Variants in PSG9 observed in about 807,000 individuals in gnomAD.
PSG9 encodes the protein pregnancy-specific beta-1-glycoprotein 9.
In PSG9, 49 loss-of-function variants were observed where a neutral mutation model predicts 41.9. That is an observed-to-expected ratio of 1.17 (90% confidence interval 0.93 to 1.48). The LOEUF (loss-of-function observed/expected upper bound fraction) is 1.48, where lower values mean the gene tolerates loss of function less well. Among genes scored for constraint, PSG9 ranks in the 40% most tolerant of loss-of-function variants. PSG9 has a pLI of 0.00. For missense variants in PSG9, 641 were observed against 520.3 expected (o/e 1.23, Z -2.26); for synonymous variants, 263 against 196.8 (o/e 1.34, Z -2.82).
Position 43,253,711 on chromosome 19 carries a change from C to T in PSG9, c.1244-65G>A, listed in dbSNP as rs575603160. On this transcript the variant is annotated intron_variant, in intron 5 of 5. Coordinates refer to ENST00000270077, the MANE Select transcript of PSG9 (RefSeq NM_002784.5). Reference sequence around the variant, plus strand: ...ACTACCTCCTTTACACAGAAAGCTTCTTTCCTACAGGCTCCCAGGAAGGGT... The same window carrying T: ...ACTACCTCCTTTACACAGAAAGCTTTTTTCCTACAGGCTCCCAGGAAGGGT... 7.0e-6 allele frequency: 7 copies of T among 1,004,010 alleles called. 1 individual carries two copies. In the African/African-American group the frequency reaches 1.2e-4, roughly 18 times the overall value. 62.2% of individuals were successfully genotyped at this position (1,004,010 alleles called of 1,614,324 possible).
In PSG9 at chr19:43,258,351, A is replaced by G. The variant is rs139174279; in HGVS notation, c.1094T>C (p.Phe365Ser). Reference sequence around the variant, plus strand: ...CTGAAACTTCCCATTAATTGTCCAAAAATACTCTGCCGGTGGGTTAGATTC... The same window carrying G: ...CTGAAACTTCCCATTAATTGTCCAAGAATACTCTGCCGGTGGGTTAGATTC... Reference protein sequence around the residue: ...FTESNPPAEYFWTINGKFQQS... With the variant: ...FTESNPPAEYSWTINGKFQQS... Residue 365 changes from phenylalanine (F) to serine (S), a missense_variant, in exon 5 of 6, where the codon TTT (phenylalanine) becomes TCT (serine). Phe to Ser is a radical substitution (Grantham distance 155). Transcript: ENST00000270077. The G allele has an allele frequency of 3.3e-5, 52 of 1,592,864 alleles. 2 individuals carry two copies. Among genetic ancestry groups the G allele is most frequent in the Non-Finnish European group, 4.2e-5 (49 of 1,174,584 alleles).
Position 43,260,514 on chromosome 19 carries a change from T to A in PSG9, c.709+1346A>T, listed in dbSNP as rs10403887. The A allele has an allele frequency of 3.2e-4, 45 of 140,192 alleles. 2 individuals are homozygous for A. Among genetic ancestry groups the A allele is most frequent in the African/African-American group, 9.7e-4 (35 of 36,188 alleles). The allele number at this position is 140,192 out of a possible 1,614,324, so 8.7% of individuals were successfully genotyped here. A position where few individuals can be genotyped will look rare whatever the true frequency, so the allele number is the denominator to read the frequency against. ...TTGCCCTTTTTTTTTCTCTCACCAC[T>A]TTTCTAGCTTGATGATTAGTTTTTG... is the stretch of plus-strand genomic sequence containing the variant. On this transcript the variant is annotated intron_variant, in intron 3 of 5. Coordinates refer to ENST00000270077, the MANE Select transcript of PSG9 (RefSeq NM_002784.5).
chr19:43,253,490 T>C lies in PSG9; in HGVS notation c.*119A>G, dbSNP rs1968340875. The C allele has an allele frequency of 2.3e-6, 1 of 439,712 alleles. No individual in the cohort carries two copies. The highest frequency in any genetic ancestry group is 2.2e-5 in the African/African-American group (1 of 45,818). The allele number at this position is 439,712 out of a possible 1,614,324, so 27.2% of individuals were successfully genotyped here. A position where few individuals can be genotyped will look rare whatever the true frequency, so the allele number is the denominator to read the frequency against. On this transcript the variant is annotated 3_prime_UTR_variant, in exon 6 of 6. Transcript: ENST00000270077. ...AATCAGCACATTTTCCAATAAAAAA[T>C]TATGAAAACATTATCCTTTTGATTA...
chr19:43,268,138 T>G lies in PSG9; in HGVS notation c.76A>C (p.Asn26His). 6.2e-7 allele frequency: 1 copy of G among 1,604,744 alleles called. No homozygotes were observed. Among genetic ancestry groups the G allele is most frequent in the East Asian group, 2.2e-5 (1 of 44,802 alleles). The change falls in exon 2 of 6, where the codon AAC (asparagine) becomes CAC (histidine). Residue 26 changes from asparagine to histidine, a missense_variant. Coordinates refer to ENST00000270077, the MANE Select transcript of PSG9 (RefSeq NM_002784.5). ...KGLLLTASLL[N>H]FWNPPTTAEV... is the part of the protein sequence containing the mutation. ...GCAGTGGTGGGCGGGTTCCAGAAGT[T>G]TAAAAGTGATGCTAGGAGGGGGAGA...
At chr19:43,263,834 G>T (rs1968841627) in intron 2 of PSG9, among the ~76,000 whole-genome samples, 1 of 152,072 alleles carries the variant, frequency 6.6e-6, no homozygotes, top group Admixed American at 6.6e-5. Flanking sequence ...GAACTGGTCA[G>T]TGCATCAATT....
chr19:43,266,513 T>C (rs1291549367), intron 2 of PSG9, among the ~76,000 whole-genome samples: 1 of 152,054 alleles, frequency 6.6e-6, no homozygotes, highest in African/African-American at 2.4e-5. Context: ...GATCCTCTCA[T>C]GACAGTGACA....
intron 1 of PSG9, 30 bp from the exon 2 acceptor site, chr19:43,268,179 T>C (rs1969072242): frequency 1.9e-6 from 3 of 1,569,146 alleles, no homozygotes; most frequent in Non-Finnish European, 2.6e-6. Context: ...TCAGTTAATA[T>C]TGAGACCTAT....
chr19:43,269,378 G>C lies in PSG9; in HGVS notation c.54C>G (p.Leu18=). 6.2e-7 allele frequency: 1 copy of C among 1,613,572 alleles called. No individual in the cohort carries two copies. Among genetic ancestry groups the C allele is most frequent in the Non-Finnish European group, 8.5e-7 (1 of 1,179,668 alleles). ...SCTQRITWKG[L]LLTASLLNFW... ...AAGTTCTCTCCTCACCTGTGAGCAG[G>C]AGCCCCTTCCAGGTGATGCGCTGTG... Residue 18 remains leucine, a synonymous_variant, in exon 1 of 6, where the codon CTC becomes CTG. Coordinates refer to ENST00000270077, the MANE Select transcript of PSG9 (RefSeq NM_002784.5).
intron 1 of PSG9, among the ~76,000 whole-genome samples, chr19:43,268,500 A>G (rs545942823): frequency 2.0e-5 from 3 of 151,902 alleles, no homozygotes; most frequent in Admixed American, 2.0e-4. Flanking sequence ...CTTTCCTGAC[A>G]CCTCCTTCAG....
In PSG9 at chr19:43,267,823, T is replaced by G. The variant is rs1969045000; in HGVS notation, c.391A>C (p.Thr131Pro). 9 of 1,613,314 alleles carry G rather than the reference T, an allele frequency of 5.6e-6. No homozygotes were observed. The highest frequency in any genetic ancestry group is 5.1e-6 in the Non-Finnish European group (6 of 1,179,592). ...TLHIIKRGDETREEIRHFTFT... is the reference protein window; with the variant it reads ...TLHIIKRGDEPREEIRHFTFT... ...GTGAAATGTCGAATTTCTTCTCTAG[T>G]CTCATCACCTCGCTTTATGATGTGT... The change falls in exon 2 of 6, where the codon ACT becomes CCT. Residue 131 changes from threonine (T) to proline (P), a missense_variant. Physicochemically the swap from Thr to Pro is conservative, Grantham distance 38. Transcript: ENST00000270077.
At chr19:43,261,484 C>G (rs567628916) in intron 3 of PSG9, among the ~76,000 whole-genome samples, 12 of 152,216 alleles carry the variant, frequency 7.9e-5, no homozygotes, top group African/African-American at 2.9e-4. Context: ...AATAATGTCA[C>G]AAGCGATATT....
Position 43,261,920 on chromosome 19 carries a change from A to G in PSG9, c.649T>C (p.Cys217Arg). 1 of 1,614,044 alleles carries G rather than the reference A, an allele frequency of 6.2e-7. No homozygotes were observed. The highest frequency in any genetic ancestry group is 1.1e-5 in the South Asian group (1 of 91,070). The change falls in exon 3 of 6, where the codon TGT (cysteine) becomes CGT (arginine). Residue 217 changes from cysteine (C) to arginine (R), a missense_variant. By Grantham distance (180) the Cys-to-Arg change is radical. Transcript: ENST00000270077. ...GCACTCACTGGGTTCCGTATTTCAC[A>G]TTCATAGGGTCCTGCAATATACTTT... Reference protein sequence around the residue: ...VTKYIAGPYECEIRNPVSASR... With the variant: ...VTKYIAGPYEREIRNPVSASR...
rs1489545726 is a variant in PSG9, at chr19:43,269,529, G to C, written c.-98C>G. 6.5e-7 allele frequency: 1 copy of C among 1,546,228 alleles called. No individual in the cohort carries two copies. Among genetic ancestry groups the C allele is most frequent in the East Asian group, 2.3e-5 (1 of 43,860 alleles). ...CAGCTGTGCTGTCCTTCCTCCTTCT[G>C]TGCTGAGCCTCTTCCCGGGGCAGGA... On this transcript the variant is annotated 5_prime_UTR_variant, in exon 1 of 6. Coordinates refer to ENST00000270077, the MANE Select transcript of PSG9 (RefSeq NM_002784.5).
intron 5 of PSG9, 105 bp from the exon 6 acceptor site, chr19:43,253,751 A>C (rs1262652655): frequency 2.2e-5 from 15 of 679,636 alleles, no homozygotes; most frequent in Non-Finnish European, 3.7e-5. Flanking sequence ...AAGCAAGCCT[A>C]GTTCTCTGAG....
At position 43,258,021 on chromosome 19, in the gene PSG9, C is replaced by T. The variant is rs779282793; in HGVS notation, c.1243+181G>A. The T allele has an allele frequency of 1.9e-5, 30 of 1,543,076 alleles. 1 individual carries two copies. Among genetic ancestry groups the T allele is most frequent in the Non-Finnish European group, 2.6e-5 (30 of 1,153,904 alleles). On this transcript the variant is annotated intron_variant, in intron 5 of 5. Coordinates refer to ENST00000270077, the MANE Select transcript of PSG9 (RefSeq NM_002784.5). ...AGACACAAGGTCAGCCATAAGAAAA[C>T]AGAAAAACAAGGAGAAGAGAGTCTG...
intron 5 of PSG9, among the ~76,000 whole-genome samples, chr19:43,255,036 A>G (rs1473213299): frequency 7.0e-6 from 1 of 142,776 alleles, no homozygotes; most frequent in Non-Finnish European, 1.5e-5. Flanking sequence ...GGCTGCAGTG[A>G]GCCGTAATCA....
rs1058711 is a variant in PSG9 at position 43,259,070 on chromosome 19, C to T, written c.775G>A (p.Ala259Thr). 56 of 1,590,168 alleles carry T rather than the reference C, an allele frequency of 3.5e-5. 5 individuals carry two copies. Among genetic ancestry groups the T allele is most frequent in the Middle Eastern group, 4.5e-4 (2 of 4,450 alleles). ...LNPRENKDVL[A>T]FTCEPKSENY... ...TCACTCTTAGGTTCACAGGTGAAGGCTAAGACATCCTTATTCTCCCTGGGG... is the reference window on the plus strand; with the variant it reads ...TCACTCTTAGGTTCACAGGTGAAGGTTAAGACATCCTTATTCTCCCTGGGG... The change falls in exon 4 of 6, where the codon GCC (alanine) becomes ACC (threonine). Residue 259 changes from alanine to threonine, a missense_variant. By Grantham distance (58) the Ala-to-Thr change is moderately conservative. Transcript: ENST00000270077.
intron 2 of PSG9, among the ~76,000 whole-genome samples, chr19:43,266,689 T>C (rs1483027973): frequency 1.3e-5 from 2 of 152,114 alleles, no homozygotes; most frequent in East Asian, 3.9e-4. Flanking sequence ...CTCTGAGGTT[T>C]GGATGCCTAA....
At chr19:43,257,447 C>T (rs1027681838) in intron 5 of PSG9, 4 of 977,522 alleles carry the variant, frequency 4.1e-6, no homozygotes, top group African/African-American at 1.8e-5. Context: ...ATTCCTCCAG[C>T]TCTGCATCAG....
Sources: allele counts gnomAD v4.1 joint callset (sites outside exome capture counted in the v4.1 genomes callset), GRCh38; gene constraint gnomAD v4.1.1; transcripts MANE v1.5; gene names NCBI Gene and HGNC (gene_info 2026-07-23, HGNC 2026-07-21).